The following FAT4 variants were observed in gnomAD, a reference collection of about 807,000 sequenced individuals.
FAT4 encodes protocadherin Fat 4.
Under a neutral mutation model 303.9 loss-of-function variants are expected in FAT4, and 84 were observed. The observed-to-expected ratio is 0.28, with a 90% CI of 0.23 to 0.33. FAT4 has a LOEUF of 0.33. Ranked by LOEUF, FAT4 falls within the 10% of genes least tolerant of loss-of-function variation. The probability of loss-of-function intolerance (pLI) is 1.00; values close to 1 mark genes in which losing one functional copy is unlikely to be tolerated. For missense variants in FAT4, 6,005 were observed against 6,146.8 expected (o/e 0.98, Z 0.77); for synonymous variants, 2,307 against 2,298.8 (o/e 1.00, Z -0.10).
At chr4:125,357,335 T>C (rs1732472182) in intron 2 of FAT4, among the ~76,000 whole-genome samples, 1 of 152,138 alleles carries the variant, frequency 6.6e-6, no homozygotes, top group Admixed American at 6.6e-5. Flanking sequence ...CGATTGATAA[T>C]AAAATTTGTC....
At chr4:125,393,216 C>A (rs1244288163) in intron 2 of FAT4, among the ~76,000 whole-genome samples, 2 of 151,866 alleles carry the variant, frequency 1.3e-5, no homozygotes, top group Admixed American at 1.3e-4. Context: ...TTTTTCATTC[C>A]GTTCATTAAG....
chr4:125,457,995 C>T (rs1193843505), intron 10 of FAT4, among the ~76,000 whole-genome samples: 1 of 151,948 alleles, frequency 6.6e-6, no homozygotes, highest in Non-Finnish European at 1.5e-5. Context: ...CATCACATTC[C>T]TGGCATTAAA....
At position 125,446,305 on chromosome 4, in the gene FAT4, C is replaced by T. The variant is rs746387865; in HGVS notation, c.7212C>T (p.Ile2404=). ...SKNAVISYRI[I]GGNSQFTINP... is the part of the protein sequence containing the mutation. ...CTTTCTGCTTTAGTTATAGGATCAT[C>T]GGTGGAAACTCTCAGTTCACGATCA... is the stretch of plus-strand genomic sequence containing the variant. The change falls in exon 9 of 18, where the codon ATC becomes ATT. Residue 2404 remains isoleucine (I), a synonymous_variant. Transcript: ENST00000394329. 7.4e-6 allele frequency: 12 copies of T among 1,612,312 alleles called. No homozygotes were observed. The South Asian group carries it at 7.7e-5, about 10-fold the overall frequency.
chr4:125,316,400 G>A lies in FAT4; in HGVS notation c.-12G>A, dbSNP rs1372434242. On this transcript the variant is annotated splice_region_variant and 5_prime_UTR_variant, in exon 2 of 18. Transcript: ENST00000394329. This position sits in a 1 kb window ranked among gnomAD's most constrained non-coding sequence, Gnocchi z 5.7. ...CCTTCTCTTTATCACATCGTTTTAG[G>A]GAGCCAGGACCATGGACTTAGCACC... The A allele has an allele frequency of 1.3e-6, 2 of 1,585,474 alleles. No homozygotes were observed. Among genetic ancestry groups the A allele is most frequent in the East Asian group, 4.5e-5 (2 of 44,400 alleles).
intron 3 of FAT4, among the ~76,000 whole-genome samples, chr4:125,402,249 G>A (rs1302847771): frequency 1.3e-5 from 2 of 151,824 alleles, no homozygotes; most frequent in East Asian, 1.9e-4. Flanking sequence ...TTTTGTAATA[G>A]CATTAAATAG....
At chr4:125,401,974 GT>G (rs890719170) in intron 3 of FAT4, among the ~76,000 whole-genome samples, 18 of 151,560 alleles carry the variant, frequency 1.2e-4, no homozygotes, top group Admixed American at 4.6e-4. Context: ...TTCTTGTTTT[GT>G]TGCTGATATG....
At position 125,316,711 on chromosome 4, in the gene FAT4, C is replaced by G. The variant is rs550276251; in HGVS notation, c.300C>G (p.Ser100Arg). ...CCACCTCCACCATCGACCGCGAGAG[C>G]CTGCCCAGCGACGTGATCAACCTGG... ...LYTTSTIDRE[S>R]LPSDVINLVV... Residue 100 changes from serine (S) to arginine (R), a missense_variant, in exon 2 of 18, where the codon AGC becomes AGG. By Grantham distance (110) the Ser-to-Arg change is moderately radical. Transcript: ENST00000394329. The surrounding 1 kb of genome is among the most constrained non-coding windows in gnomAD (Gnocchi z 5.7). The G allele has an allele frequency of 1.1e-5, 17 of 1,613,814 alleles. No individual in the cohort carries two copies. The highest frequency in any genetic ancestry group is 2.2e-5 in the East Asian group (1 of 44,860).
chr4:125,472,375 TGC>T, intron 12 of FAT4, among the ~76,000 whole-genome samples: 1 of 152,220 alleles, frequency 6.6e-6, no homozygotes, highest in Non-Finnish European at 1.5e-5. Context: ...TATGTTATAT[TGC>T]TGAATGCATA....
rs777464644 is a variant in FAT4, at chr4:125,448,594, A to C, written c.7584A>C (p.Gly2528=). The C allele has an allele frequency of 2.4e-5, 39 of 1,613,916 alleles. No individual in the cohort carries two copies. Among genetic ancestry groups the C allele is most frequent in the Admixed American group, 8.3e-5 (5 of 59,968 alleles). Residue 2528 remains glycine, a synonymous_variant, in exon 10 of 18, where the codon GGA becomes GGC. Coordinates refer to ENST00000394329, the MANE Select transcript of FAT4 (RefSeq NM_001291303.3). The part of the protein sequence containing the change: ...DPLRGAIMAA[G]PLNGASEVTF... ...TGAGGGGAGCCATTATGGCCGCCGGACCACTAAACGGAGCTTCAGAAGTGA... is the reference window on the plus strand; with the variant it reads ...TGAGGGGAGCCATTATGGCCGCCGGCCCACTAAACGGAGCTTCAGAAGTGA...
At chr4:125,407,561 C>T (rs1279835377) in intron 4 of FAT4, among the ~76,000 whole-genome samples, 1 of 151,994 alleles carries the variant, frequency 6.6e-6, no homozygotes, top group Non-Finnish European at 1.5e-5. Context: ...ATTCATTTCT[C>T]TTAGTTTCAA....
chr4:125,448,847 A>G lies in FAT4; in HGVS notation c.7837A>G (p.Thr2613Ala), dbSNP rs773681487. ...TATCGCAAGTGGGAATCTTGGCAAT[A>G]CTTTCCAGATTGATCAGTTAACAGG... ...YYIASGNLGN[T>A]FQIDQLTGQV... is the part of the protein sequence containing the mutation. The change falls in exon 10 of 18, where the codon ACT becomes GCT. Residue 2613 changes from threonine to alanine, a missense_variant. Transcript: ENST00000394329. 2 of 1,608,370 alleles carry G rather than the reference A, an allele frequency of 1.2e-6. No homozygotes were observed. The highest frequency in any genetic ancestry group is 1.7e-5 in the Admixed American group (1 of 59,786).
intron 7 of FAT4, among the ~76,000 whole-genome samples, chr4:125,423,029 A>G (rs146260277): frequency 5.8e-4 from 89 of 152,284 alleles, no homozygotes; most frequent in Non-Finnish European, 8.5e-4. Flanking sequence ...AACTGGAGAG[A>G]GATGATTTAA....
intron 2 of FAT4, among the ~76,000 whole-genome samples, chr4:125,334,183 TG>T (rs1731486737): frequency 6.6e-6 from 1 of 152,116 alleles, no homozygotes; most frequent in African/African-American, 2.4e-5. Context: ...AGCTTCCTCA[TG>T]ATCTTCACAT....
rs1457796579 is a variant in FAT4 at position 125,448,685 on chromosome 4, A to G, written c.7675A>G (p.Arg2559Gly). The change falls in exon 10 of 18, where the codon AGA (arginine) becomes GGA (glycine). Residue 2559 changes from arginine (R) to glycine (G), a missense_variant. Arg to Gly is a moderately radical substitution (Grantham distance 125). Coordinates refer to ENST00000394329, the MANE Select transcript of FAT4 (RefSeq NM_001291303.3). ...GACAGATTCTACAACAGTGACTGTT[A>G]GATTCGTGAATAAGGCCGATTTCCC... ...PKTDSTTVTVRFVNKADFPKV... is the reference protein window; with the variant it reads ...PKTDSTTVTVGFVNKADFPKV... 6.2e-7 allele frequency: 1 copy of G among 1,613,880 alleles called. No homozygotes were observed. Among genetic ancestry groups the G allele is most frequent in the Non-Finnish European group, 8.5e-7 (1 of 1,179,918 alleles).
intron 8 of FAT4, among the ~76,000 whole-genome samples, chr4:125,436,656 G>A (rs1016257656): frequency 2.6e-5 from 4 of 152,112 alleles, no homozygotes; most frequent in African/African-American, 9.7e-5. Context: ...AATCATGGCC[G>A]AAGGTGAGGA....
intron 7 of FAT4, among the ~76,000 whole-genome samples, chr4:125,428,096 G>C (rs1365489385): frequency 6.6e-6 from 1 of 151,956 alleles, no homozygotes; most frequent in African/African-American, 2.4e-5. Context: ...TCAGGAGTTC[G>C]AGACTAGCCT....
rs562925862 is a variant in FAT4, at chr4:125,439,696, T to G, written c.7199+5271T>G. ...CTTCCCATTCAATTTCCTCCAACTC[T>G]TTAATTCAAAAGTTACTCATTTTTC... On this transcript the variant is annotated intron_variant, in intron 8 of 17. Coordinates refer to ENST00000394329, the MANE Select transcript of FAT4 (RefSeq NM_001291303.3). Among the ~76,000 whole-genome samples, 14 of 152,284 alleles carry G rather than the reference T, an allele frequency of 9.2e-5. No individual in the cohort carries two copies. The South Asian group carries it at 2.7e-3, about 29-fold the overall frequency.
chr4:125,488,846 A>T (rs146135271), intron 17 of FAT4, among the ~76,000 whole-genome samples: 1 of 152,172 alleles, frequency 6.6e-6, no homozygotes, highest in Non-Finnish European at 1.5e-5. Flanking sequence ...ATGAGGGCGT[A>T]GAGTGAAAAG....
chr4:125,460,707 C>T (rs1463876012), intron 10 of FAT4, among the ~76,000 whole-genome samples: 1 of 152,034 alleles, frequency 6.6e-6, no homozygotes, highest in Non-Finnish European at 1.5e-5. Context: ...TAGGTTAATT[C>T]CATGTCTTTG....
Sources: gnomAD v4.1 joint callset for allele counts (sites outside exome capture counted in the v4.1 genomes callset) on GRCh38, gnomAD v4.1.1 for gene constraint, Gnocchi (gnomAD v3.1) non-coding constraint, MANE v1.5 for transcripts, NCBI Gene and HGNC (gene_info 2026-07-23, HGNC 2026-07-21) for gene names.